RALGPS1: variants seen among roughly 807,000 people sequenced by gnomAD.
The protein encoded by RALGPS1 is Ral GEF with PH domain and SH3 binding motif 1, also known as ras-specific guanine nucleotide-releasing factor RalGPS1.
A neutral mutation model predicts 78.8 loss-of-function variants in RALGPS1; 19 were observed. The ratio of observed to expected loss-of-function variants is 0.24; its 90% CI spans 0.17 to 0.35. The LOEUF (loss-of-function observed/expected upper bound fraction) is 0.35. Ranked by LOEUF, RALGPS1 falls within the 10% of genes least tolerant of loss-of-function variation. The pLI is 1.00. For synonymous variants in RALGPS1, 228 were observed against 256.3 expected, an observed-to-expected ratio of 0.89 and a Z score of 1.06; for missense variants, 454 against 688.3, an observed-to-expected ratio of 0.66 and a Z score of 3.81.
chr9:127,165,219 C>T (rs1462078760), intron 8 of RALGPS1, among the ~76,000 whole-genome samples: 3 of 152,252 alleles, frequency 2.0e-5, no homozygotes, highest in Non-Finnish European at 4.4e-5. Flanking sequence ...AGCAGTGCTC[C>T]TGGAGGGCAG....
rs559994317 is a variant in RALGPS1, at chr9:127,015,316, G to A, written c.217-19115G>A. ...CTTTCTGAATCTCAATTTTAGTTATGTGTAACCTGGGGGCAATCATAGCCC... is the reference window on the plus strand; with the variant it reads ...CTTTCTGAATCTCAATTTTAGTTATATGTAACCTGGGGGCAATCATAGCCC... On this transcript the variant is annotated intron_variant, in intron 4 of 18. Coordinates refer to ENST00000259351, the MANE Select transcript of RALGPS1 (RefSeq NM_014636.3). 2.3e-3 allele frequency among the ~76,000 whole-genome samples: 357 copies of A among 152,282 alleles called. 3 individuals are homozygous for A. Among genetic ancestry groups the A allele is most frequent in the African/African-American group, 8.3e-3 (344 of 41,536 alleles).
intron 5 of RALGPS1, among the ~76,000 whole-genome samples, chr9:127,038,811 A>G (rs2047063104): frequency 6.6e-6 from 1 of 152,192 alleles, no homozygotes; most frequent in Admixed American, 6.5e-5. Context: ...TGTTCCTTCA[A>G]TCTGAGTGAG....
chr9:126,987,008 C>T (rs2041862559), intron 4 of RALGPS1, among the ~76,000 whole-genome samples: 1 of 152,200 alleles, frequency 6.6e-6, no homozygotes, highest in South Asian at 2.1e-4. Context: ...GCTATCATTT[C>T]ACCAATGTAT....
intron 8 of RALGPS1, among the ~76,000 whole-genome samples, chr9:127,090,198 C>T (rs2052297753): frequency 6.6e-6 from 1 of 152,186 alleles, no homozygotes; most frequent in South Asian, 2.1e-4. Context: ...CAGCGGAGGT[C>T]CCACACACCT....
chr9:127,175,874 A>G (rs1388655937), intron 11 of RALGPS1, among the ~76,000 whole-genome samples: 2 of 151,956 alleles, frequency 1.3e-5, no homozygotes, highest in African/African-American at 2.4e-5. Flanking sequence ...GACCTGCTCA[A>G]GCCACTCTCC....
intron 4 of RALGPS1, among the ~76,000 whole-genome samples, chr9:127,018,582 G>T (rs1467610308): frequency 1.3e-5 from 2 of 151,814 alleles, no homozygotes; most frequent in South Asian, 2.1e-4. Context: ...GCAGTGAGCT[G>T]AGTTTGTGCT....
chr9:126,975,254 A>G (rs972617340), intron 3 of RALGPS1, among the ~76,000 whole-genome samples: 2 of 152,226 alleles, frequency 1.3e-5, no homozygotes, highest in African/African-American at 4.8e-5. Context: ...GTTTTGAATA[A>G]AACACCTGAA....
chr9:126,996,188 G>C (rs1260950565), intron 4 of RALGPS1, among the ~76,000 whole-genome samples: 1 of 152,072 alleles, frequency 6.6e-6, no homozygotes, highest in Non-Finnish European at 1.5e-5. Flanking sequence ...AATCAGAGCA[G>C]AACTGAAGGA....
intron 8 of RALGPS1, among the ~76,000 whole-genome samples, chr9:127,100,388 CAG>C (rs2053596401): frequency 6.6e-6 from 1 of 152,178 alleles, no homozygotes; most frequent in Admixed American, 6.5e-5. Flanking sequence ...TCGGGAGAAA[CAG>C]ACATTGCAGC....
At chr9:127,188,832 T>TAAAAAAAAAAAAAAAAAAAAAAAAAAA (rs202172226) in intron 11 of RALGPS1, among the ~76,000 whole-genome samples, 1 of 87,472 alleles carries the variant, frequency 1.1e-5, no homozygotes, top group South Asian at 5.4e-4. Context: ...CCATCTCTAC[T>TAAAAAAAAAAAAAAAAAAAAAAAAAAA]AAAAAAAAAA....
At position 126,962,288 on chromosome 9, in the gene RALGPS1, C is replaced by T. The variant is rs1007842282; in HGVS notation, c.-2C>T. The T allele has an allele frequency of 6.2e-7, 1 of 1,614,012 alleles. No individual in the cohort carries two copies. Among genetic ancestry groups the T allele is most frequent in the African/African-American group, 1.3e-5 (1 of 74,930 alleles). On this transcript the variant is annotated 5_prime_UTR_variant, in exon 2 of 19. Transcript: ENST00000259351. ...CCTGAAGCTCCCTGTGGCCTGGAGA[C>T]TATGTACAAGAGGAATGGTCTGATG...
chr9:127,162,211 G>C (rs906863829), intron 8 of RALGPS1, among the ~76,000 whole-genome samples: 1 of 152,232 alleles, frequency 6.6e-6, no homozygotes, highest in Non-Finnish European at 1.5e-5. Flanking sequence ...CCTGGAGCAA[G>C]ACACACTTCC....
At chr9:127,199,567 T>A (rs934497767) in intron 14 of RALGPS1, among the ~76,000 whole-genome samples, 2 of 151,948 alleles carry the variant, frequency 1.3e-5, no homozygotes, top group African/African-American at 4.8e-5. Context: ...AGGATCCCTC[T>A]GCCTCCCTCG....
At chr9:127,180,483 G>A (rs1382884378) in intron 11 of RALGPS1, among the ~76,000 whole-genome samples, 1 of 152,204 alleles carries the variant, frequency 6.6e-6, no homozygotes, top group Non-Finnish European at 1.5e-5. Flanking sequence ...GTAGGCCCTT[G>A]GGTCATTGGT....
chr9:127,018,565 G>A (rs576754703), intron 4 of RALGPS1, among the ~76,000 whole-genome samples: 6 of 151,836 alleles, frequency 4.0e-5, no homozygotes, highest in South Asian at 4.2e-4. Flanking sequence ...CCTGGGAGGC[G>A]GAGGTTGCAG....
At chr9:127,060,787 C>T (rs7033067) in intron 7 of RALGPS1, among the ~76,000 whole-genome samples, 7,759 of 152,256 alleles carry the variant, frequency 0.051, 669 homozygotes, top group African/African-American at 0.18. Context: ...CTCAACCCCT[C>T]GTCCACCTTG....
chr9:127,030,419 G>A (rs555972159), intron 4 of RALGPS1, among the ~76,000 whole-genome samples: 2 of 152,310 alleles, frequency 1.3e-5, no homozygotes, highest in African/African-American at 4.8e-5. Flanking sequence ...AACACAGTGT[G>A]CAAAGGCAAG....
intron 13 of RALGPS1, among the ~76,000 whole-genome samples, chr9:127,197,557 G>A (rs991186220): frequency 2.0e-5 from 3 of 152,138 alleles, no homozygotes; most frequent in Non-Finnish European, 4.4e-5. Context: ...CCATGTCTCT[G>A]TGAAAGCAAG....
At chr9:127,210,459 T>C in intron 14 of RALGPS1, 1 of 559,148 alleles carries the variant, frequency 1.8e-6, no homozygotes, top group Non-Finnish European at 3.2e-6. Context: ...CAATAAAAAG[T>C]TGAAAGAATT....
Sources: gnomAD v4.1 joint callset for allele counts (sites outside exome capture counted in the v4.1 genomes callset) on GRCh38, gnomAD v4.1.1 for gene constraint, MANE v1.5 for transcripts, NCBI Gene and HGNC (gene_info 2026-07-23, HGNC 2026-07-21) for gene names.